The following C9orf78 variants were observed in gnomAD, a reference collection of about 807,000 sequenced individuals.
C9orf78 encodes the protein chromosome 9 open reading frame 78.
In C9orf78, 19 loss-of-function variants were observed where a neutral mutation model predicts 37.4. That is an observed-to-expected ratio of 0.51 (90% CI 0.35 to 0.74). C9orf78 has a LOEUF of 0.74. C9orf78 is among the 30% of genes least tolerant of loss of function. The probability of loss-of-function intolerance (pLI) is 0.01; values close to 1 mark genes in which losing one functional copy is unlikely to be tolerated. For synonymous variants in C9orf78, 130 were observed against 128.0 expected (o/e 1.02, Z -0.10); for missense variants, 291 against 370.8 (o/e 0.78, Z 1.77).
At position 129,829,193 on chromosome 9, in the gene C9orf78, T is replaced by C. The variant is rs1233403424; in HGVS notation, c.778+12A>G. ...GCACTCCAGGCAGCCCCGAGGCCTT[T>C]GTTGCACTCACGCTCAGGCTCTGGC... On this transcript the variant is annotated intron_variant, in intron 8 of 8. Coordinates refer to ENST00000372447, the MANE Select transcript of C9orf78 (RefSeq NM_016520.3). 6.3e-7 allele frequency: 1 copy of C among 1,599,848 alleles called. No homozygotes were observed. The highest frequency in any genetic ancestry group is 1.1e-5 in the South Asian group (1 of 90,782).
intron 2 of C9orf78, 177 bp from the exon 3 acceptor site, chr9:129,833,886 C>A: frequency 1.7e-6 from 1 of 599,226 alleles, no homozygotes; most frequent in Admixed American, 2.9e-5. Flanking sequence ...TCAACGAGCA[C>A]CGCAGATGCT....
chr9:129,830,221 G>C (rs1156558547), intron 6 of C9orf78: 1 of 151,822 alleles, frequency 6.6e-6, no homozygotes, highest in Non-Finnish European at 1.5e-5. Flanking sequence ...GCCTCCCAAA[G>C]AGCTAGGATA....
chr9:129,832,092 A>G (rs989653672), intron 4 of C9orf78, 119 bp from the exon 5 acceptor site: 5 of 496,460 alleles, frequency 1.0e-5, no homozygotes, highest in Non-Finnish European at 1.1e-5. Flanking sequence ...ACAGTTGGCA[A>G]AAAAAAAAAA....
At chr9:129,829,698 C>G (rs1208779409) in intron 6 of C9orf78, 157 bp from the exon 7 acceptor site, 5 of 634,994 alleles carry the variant, frequency 7.9e-6, no homozygotes, top group Non-Finnish European at 1.4e-5. Context: ...CACATTCTCA[C>G]GGGACTCTCA....
chr9:129,830,799 C>T (rs916803587), intron 6 of C9orf78, 72 bp downstream of exon 6: 25 of 1,078,804 alleles, frequency 2.3e-5, no homozygotes, highest in African/African-American at 7.8e-5. Context: ...CATGAGCCAC[C>T]GTGCCTGGCC....
intron 6 of C9orf78, chr9:129,829,908 G>C (rs1289140331): frequency 5.8e-6 from 1 of 171,060 alleles, no homozygotes; most frequent in Non-Finnish European, 1.2e-5. Flanking sequence ...GATATTTTAA[G>C]AAGGATCATG....
chr9:129,833,792 C>T (rs2274508), intron 2 of C9orf78, 83 bp from the exon 3 acceptor site: 210,028 of 856,090 alleles, frequency 0.25, 26,229 homozygotes, highest in South Asian at 0.27. Flanking sequence ...CTCAGGTATG[C>T]GGATTGCAAC....
intron 5 of C9orf78, chr9:129,831,498 C>T (rs1269382750): frequency 4.2e-6 from 1 of 237,726 alleles, no homozygotes; most frequent in Non-Finnish European, 8.3e-6. Flanking sequence ...GATCTTGGCT[C>T]GCCGCAAGCT....
Position 129,829,460 on chromosome 9 carries a change from GCTGT to G in C9orf78, c.620_623del (p.Asp207AlafsTer12). ...TGTTGGTAGGCACGAAGGAGGTCTCGCTGTCTTTCTTCTTGTTCTGCTGCTCTGC... is the reference window on the plus strand; with the variant it reads ...TGTTGGTAGGCACGAAGGAGGTCTCGCTTTCTTCTTGTTCTGCTGCTCTGC... On this transcript the variant is annotated frameshift_variant, in exon 7 of 9. Transcript: ENST00000372447. LOFTEE classifies it high-confidence loss of function. 6.2e-7 allele frequency: 1 copy of G among 1,614,004 alleles called. No homozygotes were observed. Among genetic ancestry groups the G allele is most frequent in the Non-Finnish European group, 8.5e-7 (1 of 1,179,946 alleles).
chr9:129,829,230 A>G lies in C9orf78; in HGVS notation c.753T>C (p.Gly251=), dbSNP rs3818553. The G allele has an allele frequency of 0.24, 392,460 of 1,611,866 alleles. 48,412 individuals are homozygous for G. The highest frequency in any genetic ancestry group is 0.27 in the South Asian group (24,603 of 90,992). Residue 251 remains glycine (G), a synonymous_variant, in exon 8 of 9, where the codon GGT becomes GGC. Coordinates refer to ENST00000372447, the MANE Select transcript of C9orf78 (RefSeq NM_016520.3). ...GCTCAGGCTCTGGCTTCTCCGTGTC[A>G]CCTACTCTCAAGGGCCGGGCCTTGG... ...EEPKARPLRV[G]DTEKPEPERS...
At position 129,835,071 on chromosome 9, in the gene C9orf78, A is replaced by C; in HGVS notation, c.83+68T>G. On this transcript the variant is annotated intron_variant, in intron 1 of 8. Transcript: ENST00000372447. ...AGTTAACAATGTCAGCGAAGCGCCG[A>C]GCCGGTGGTGAGTCCCCCAAACAAG... The C allele has an allele frequency of 2.5e-6, 3 of 1,222,672 alleles. No homozygotes were observed. The South Asian group carries it at 3.7e-5, about 15-fold the overall frequency. 75.7% of individuals were successfully genotyped at this position (1,222,672 alleles called of 1,614,324 possible). A position where few individuals can be genotyped will look rare whatever the true frequency, so the allele number is the denominator to read the frequency against.
Position 129,828,133 on chromosome 9 carries a change from G to T in C9orf78, c.*28C>A. 4.6e-6 allele frequency: 6 copies of T among 1,301,598 alleles called. No individual in the cohort carries two copies. Among genetic ancestry groups the T allele is most frequent in the Non-Finnish European group, 5.6e-6 (5 of 899,434 alleles). The allele number at this position is 1,301,598 out of a possible 1,614,324, so 80.6% of individuals were successfully genotyped here. A position where few individuals can be genotyped will look rare whatever the true frequency, so the allele number is the denominator to read the frequency against. On this transcript the variant is annotated 3_prime_UTR_variant, in exon 9 of 9. Coordinates refer to ENST00000372447, the MANE Select transcript of C9orf78 (RefSeq NM_016520.3). Reference sequence around the variant, plus strand: ...ATGGGAGGGATATAGGGAGAGGAAGGCGATATTTACATCCCACTCTGCACA... The same window carrying T: ...ATGGGAGGGATATAGGGAGAGGAAGTCGATATTTACATCCCACTCTGCACA...
rs2031575362 is a variant in C9orf78 at position 129,833,602 on chromosome 9, G to A, written c.195+56C>T. 24 of 1,452,648 alleles carry A rather than the reference G, an allele frequency of 1.7e-5. No individual in the cohort carries two copies. In the Admixed American group the frequency reaches 3.9e-4, roughly 23 times the overall value. 90.0% of individuals were successfully genotyped at this position (1,452,648 alleles called of 1,614,324 possible). ...TTTTTGTGAAGCACGCTCACTCACT[G>A]AAGAGCACTGCAGGGAGGGCTGCCA... On this transcript the variant is annotated intron_variant, in intron 3 of 8. Transcript: ENST00000372447.
chr9:129,832,055 G>T, intron 4 of C9orf78, 82 bp from the exon 5 acceptor site: 1 of 729,426 alleles, frequency 1.4e-6, no homozygotes. Context: ...AGAAAACAAA[G>T]ACATAAGCAT....
chr9:129,831,668 C>G, intron 5 of C9orf78: 1 of 469,452 alleles, frequency 2.1e-6, no homozygotes, highest in East Asian at 4.0e-5. Flanking sequence ...AGATGATCCA[C>G]CTGCCTCGGC....
chr9:129,833,410 A>G, intron 4 of C9orf78, 37 bp downstream of exon 4: 1 of 1,289,100 alleles, frequency 7.8e-7, no homozygotes, highest in East Asian at 2.3e-5. Flanking sequence ...GGCAGCCGCT[A>G]AAGGTGAATT....
chr9:129,828,782 G>A (rs1231168834), intron 8 of C9orf78: 3 of 310,778 alleles, frequency 9.7e-6, no homozygotes, highest in African/African-American at 4.4e-5. Flanking sequence ...GCAGGCTAGA[G>A]TGCAGTGGTC....
chr9:129,828,042 C>T lies in C9orf78; in HGVS notation c.*119G>A, dbSNP rs2031386637. On this transcript the variant is annotated 3_prime_UTR_variant, in exon 9 of 9. Transcript: ENST00000372447. ...TCCCGACCTCAGGTGATCCGCCCAC[C>T]TCGGCCTCCCAAAGTGCTGGGATTA... 3.4e-6 allele frequency: 2 copies of T among 582,000 alleles called. No homozygotes were observed. Among genetic ancestry groups the T allele is most frequent in the Non-Finnish European group, 6.7e-6 (2 of 297,270 alleles). 36.1% of individuals were successfully genotyped at this position (582,000 alleles called of 1,614,324 possible).
intron 4 of C9orf78, 21 bp from the exon 5 acceptor site, chr9:129,831,994 G>A (rs750563652): frequency 1.7e-5 from 21 of 1,222,592 alleles, no homozygotes; most frequent in Non-Finnish European, 2.4e-5. Flanking sequence ...AGAACAATGA[G>A]GCAGAGCTTT....
Sources: gnomAD v4.1 joint callset for allele counts on GRCh38, gnomAD v4.1.1 for gene constraint, MANE v1.5 for transcripts, NCBI Gene and HGNC (gene_info 2026-07-23, HGNC 2026-07-21) for gene names.